The following TTLL8 variants were observed in gnomAD, a reference collection of about 807,000 sequenced individuals.
TTLL8 encodes the protein tubulin tyrosine ligase like 8, also known as protein monoglycylase TTLL8.
Under a neutral mutation model 77.8 loss-of-function variants are expected in TTLL8, and 65 were observed. That is an observed-to-expected ratio of 0.84 (90% CI 0.68 to 1.03). The LOEUF is 1.03. TTLL8 is among the 50% of genes least tolerant of loss of function. The probability of loss-of-function intolerance (pLI) is 0.00; values close to 1 mark genes in which losing one functional copy is unlikely to be tolerated. For missense variants in TTLL8, 910 were observed against 1,004.5 expected (o/e 0.91, Z 1.27); for synonymous variants, 402 against 422.8 (o/e 0.95, Z 0.60).
chr22:50,036,934 T>C (rs2061340883), intron 8 of TTLL8, among the ~76,000 whole-genome samples: 1 of 152,084 alleles, frequency 6.6e-6, no homozygotes, highest in Admixed American at 6.6e-5. Flanking sequence ...GTGAGATTCA[T>C]CCACGCTGCA....
rs545218436 is a variant in TTLL8 at position 50,046,463 on chromosome 22, C to T, written c.394-493G>A. ...GCACCCCGATGTCTGGTTTGTCACC[C>T]TGTTAAGGAAAAAAGTGGCTGGCCC... On this transcript the variant is annotated intron_variant, in intron 4 of 13. Coordinates refer to ENST00000266182, the Ensembl canonical transcript of TTLL8. Among the ~76,000 whole-genome samples, 236 of 152,334 alleles carry T rather than the reference C, an allele frequency of 1.5e-3. 2 individuals are homozygous for T. The highest frequency in any genetic ancestry group is 5.5e-3 in the African/African-American group (228 of 41,574).
intron 12 of TTLL8, among the ~76,000 whole-genome samples, chr22:50,024,971 CT>C (rs2061223387): frequency 6.6e-6 from 1 of 152,122 alleles, no homozygotes; most frequent in African/African-American, 2.4e-5. Context: ...TTTTTTTCCC[CT>C]GGCCCCTTGA....
At chr22:50,030,831 T>C in exon 12 of TTLL8, 2 of 1,345,276 alleles carry the variant, frequency 1.5e-6, no homozygotes, top group Non-Finnish European at 2.0e-6. Context: ...GGCCTTGAGG[T>C]TGCAGACGGG....
intron 6 of TTLL8, among the ~76,000 whole-genome samples, chr22:50,043,053 G>A (rs1364369962): frequency 1.3e-5 from 2 of 152,218 alleles, no homozygotes; most frequent in Admixed American, 6.5e-5. Flanking sequence ...CGACAGAAAC[G>A]TTATTCATGA....
At chr22:50,056,725 G>A, upstream of TTLL8, 1 of 1,258,648 alleles carries the variant, frequency 7.9e-7, no homozygotes, top group Non-Finnish European at 1.0e-6. This position sits in a 1 kb window ranked among gnomAD's most constrained non-coding sequence, Gnocchi z 4.1. Context: ...GACCGTCCAA[G>A]AGAAGGCGCC....
intron 12 of TTLL8, among the ~76,000 whole-genome samples, chr22:50,021,748 G>GACA (rs2146623276): frequency 1.4e-5 from 2 of 141,576 alleles, no homozygotes; most frequent in Non-Finnish European, 3.0e-5. Flanking sequence ...TCCTCCATCT[G>GACA]ATGTGCACTC....
intron 10 of TTLL8, among the ~76,000 whole-genome samples, 173 bp from the exon 12 acceptor site, chr22:50,032,282 T>C (rs1411574107): frequency 1.3e-5 from 2 of 152,170 alleles, no homozygotes; most frequent in Non-Finnish European, 2.9e-5. Context: ...CTGTCCCAGA[T>C]GGAGAAACAG....
chr22:50,036,626 G>C (rs1279703648), intron 8 of TTLL8, among the ~76,000 whole-genome samples: 1 of 148,816 alleles, frequency 6.7e-6, no homozygotes, highest in Non-Finnish European at 1.5e-5. Flanking sequence ...TTAAGACTGA[G>C]TGTCACTCTG....
At chr22:50,051,556 G>A (rs144932449) in intron 1 of TTLL8, among the ~76,000 whole-genome samples, 2 of 152,362 alleles carry the variant, frequency 1.3e-5, no homozygotes, top group East Asian at 3.9e-4. Context: ...ATGCCCAGGA[G>A]TACGGTTGCT....
chr22:50,034,192 G>A lies in TTLL8; in HGVS notation c.1039+153C>T, dbSNP rs775936220. 9.1e-5 allele frequency: 71 copies of A among 782,550 alleles called. 1 individual carries two copies. Among genetic ancestry groups the A allele is most frequent in the South Asian group, 1.2e-4 (2 of 17,192 alleles). The allele number at this position is 782,550 out of a possible 1,614,324, so 48.5% of individuals were successfully genotyped here. ...AAGACGCCTCCAGCTCTGCTCCAGC[G>A]CCTGAGTCCTGACCCCCACGCCTGC... On this transcript the variant is annotated intron_variant, in intron 9 of 13. Transcript: ENST00000266182. This position sits in a 1 kb window ranked among gnomAD's most constrained non-coding sequence, Gnocchi z 4.1.
exon 12 of TTLL8, chr22:50,030,451 G>A (rs2061279261): frequency 2.2e-6 from 3 of 1,334,790 alleles, no homozygotes; most frequent in Middle Eastern, 3.1e-4. Flanking sequence ...GGCGGCGGAC[G>A]CAGCGCGCCC....
chr22:50,023,643 C>T (rs1261131193), intron 12 of TTLL8, among the ~76,000 whole-genome samples: 2 of 151,866 alleles, frequency 1.3e-5, no homozygotes, highest in African/African-American at 4.8e-5. Context: ...CAAGATCGCA[C>T]CGCTGCACTC....
exon 10 of TTLL8, chr22:50,033,213 G>C: frequency 7.4e-7 from 1 of 1,350,654 alleles, no homozygotes; most frequent in Non-Finnish European, 9.9e-7. Flanking sequence ...TGTCCAGCTT[G>C]TCCAGGGAGA....
upstream of TTLL8, among the ~76,000 whole-genome samples, chr22:50,057,200 TGGATTAGGGGTCAGCTCTG>T (rs2061476095): frequency 6.6e-5 from 6 of 91,540 alleles, no homozygotes; most frequent in African/African-American, 2.3e-4. Flanking sequence ...GGGTCAGGTC[TGGATTAGGGGTCAGCTCTG>T]GGGTTGGGGA....
At chr22:50,045,667 C>T in intron 5 of TTLL8, 189 bp downstream of exon 7, 1 of 758,316 alleles carries the variant, frequency 1.3e-6, no homozygotes, top group Non-Finnish European at 1.6e-6. Flanking sequence ...GAACCACACA[C>T]TCCTTGACTG....
At chr22:50,045,691 C>T (rs1247611028) in intron 5 of TTLL8, 165 bp downstream of exon 7, 1 of 931,960 alleles carries the variant, frequency 1.1e-6, no homozygotes, top group East Asian at 1.2e-4. Context: ...GCCCTCCCTC[C>T]CGGGGCCCCT....
At chr22:50,046,120 T>C in intron 4 of TTLL8, 150 bp from the exon 7 acceptor site, 1 of 602,838 alleles carries the variant, frequency 1.7e-6, no homozygotes, top group East Asian at 7.0e-5. Flanking sequence ...CCTCCCCAGA[T>C]ATACGGTCCC....
At chr22:50,026,797 A>G (rs969554142) in intron 12 of TTLL8, among the ~76,000 whole-genome samples, 3 of 152,240 alleles carry the variant, frequency 2.0e-5, no homozygotes, top group Non-Finnish European at 2.9e-5. Context: ...TTACTAGGCA[A>G]GAAAAACCAC....
chr22:50,034,286 C>T lies in TTLL8; in HGVS notation c.1039+59G>A, dbSNP rs2061319735. On this transcript the variant is annotated intron_variant, in intron 9 of 13. Coordinates refer to ENST00000266182, the Ensembl canonical transcript of TTLL8. This position sits in a 1 kb window ranked among gnomAD's most constrained non-coding sequence, Gnocchi z 4.1. ...GCCTGAAACTGTCCCTCACTCACGG[C>T]TCCTGGCATCAAGTGTGGCCGTTGG... 7.6e-7 allele frequency: 1 copy of T among 1,319,268 alleles called. No homozygotes were observed. The highest frequency in any genetic ancestry group is 1.0e-6 in the Non-Finnish European group (1 of 997,842). 81.7% of individuals were successfully genotyped at this position (1,319,268 alleles called of 1,614,324 possible).
Sources: allele counts gnomAD v4.1 joint callset (sites outside exome capture counted in the v4.1 genomes callset), GRCh38; gene constraint gnomAD v4.1.1; non-coding constraint Gnocchi (gnomAD v3.1); transcripts MANE v1.5; gene names NCBI Gene and HGNC (gene_info 2026-07-23, HGNC 2026-07-21).